The following PHTF2 variants were observed in gnomAD, a reference collection of about 807,000 sequenced individuals.
The protein encoded by PHTF2 is putative homeodomain transcription factor 2, also known as protein PHTF2.
PHTF2 carries 60 observed loss-of-function variants against 101.2 expected under a neutral mutation model. The observed-to-expected ratio is 0.59, with a 90% confidence interval of 0.48 to 0.73. PHTF2 has a LOEUF of 0.73. Among genes scored for constraint, PHTF2 ranks in the 30% least tolerant of loss-of-function variants. The pLI, the probability that PHTF2 is intolerant of heterozygous loss-of-function variation, is 0.00. For missense variants in PHTF2, 747 were observed against 908.7 expected (o/e 0.82, Z 2.29); for synonymous variants, 311 against 307.3 (o/e 1.01, Z -0.13).
intron 3 of PHTF2, among the ~76,000 whole-genome samples, chr7:77,868,255 G>A (rs1798227058): frequency 6.7e-6 from 1 of 149,826 alleles, no homozygotes; most frequent in Non-Finnish European, 1.5e-5. Flanking sequence ...CAGTCTTCCT[G>A]CCTTAGCCTC....
intron 13 of PHTF2, among the ~76,000 whole-genome samples, chr7:77,939,577 G>A (rs1321072388): frequency 7.3e-6 from 1 of 136,732 alleles, no homozygotes; most frequent in Non-Finnish European, 1.5e-5. Flanking sequence ...GCAATAGAGT[G>A]AGACCCTGTC....
intron 3 of PHTF2, among the ~76,000 whole-genome samples, chr7:77,861,206 G>A (rs1797616160): frequency 6.6e-6 from 1 of 150,650 alleles, no homozygotes; most frequent in Non-Finnish European, 1.5e-5. Flanking sequence ...TTTCCTTAGG[G>A]TGTGTCATTC....
intron 1 of PHTF2, among the ~76,000 whole-genome samples, chr7:77,826,582 A>T (rs4729772): frequency 2.0e-5 from 3 of 151,832 alleles, no homozygotes; most frequent in African/African-American, 7.3e-5. Context: ...GAAAAGGGAG[A>T]AGAGAAAGAA....
intron 16 of PHTF2, among the ~76,000 whole-genome samples, chr7:77,947,682 C>T (rs1218597541): frequency 6.6e-6 from 1 of 151,982 alleles, no homozygotes; most frequent in Non-Finnish European, 1.5e-5. Context: ...TGTAATTAAA[C>T]AGAATGCTTT....
At chr7:77,858,751 T>G (rs968169619) in intron 3 of PHTF2, among the ~76,000 whole-genome samples, 1 of 152,018 alleles carries the variant, frequency 6.6e-6, no homozygotes, top group Non-Finnish European at 1.5e-5. Flanking sequence ...ACCATACATT[T>G]AAATAGCATT....
intron 1 of PHTF2, among the ~76,000 whole-genome samples, chr7:77,830,546 A>G (rs1238900105): frequency 3.3e-5 from 5 of 152,188 alleles, no homozygotes; most frequent in African/African-American, 1.2e-4. Context: ...TGCGAACCCT[A>G]TTCTCAGCTG....
chr7:77,933,895 GTC>G (rs1804848060), intron 12 of PHTF2, among the ~76,000 whole-genome samples: 1 of 152,128 alleles, frequency 6.6e-6, no homozygotes, highest in African/African-American at 2.4e-5. Flanking sequence ...TCCTAAGTCT[GTC>G]ACACCAGTCG....
intron 3 of PHTF2, among the ~76,000 whole-genome samples, chr7:77,880,544 C>T (rs1278850290): frequency 6.6e-5 from 10 of 152,200 alleles, no homozygotes; most frequent in African/African-American, 2.2e-4. Flanking sequence ...TTTCTGTACC[C>T]TGTGCTTGGT....
chr7:77,823,572 A>G (rs1562844929), intron 1 of PHTF2, among the ~76,000 whole-genome samples: 1 of 152,244 alleles, frequency 6.6e-6, no homozygotes, highest in Non-Finnish European at 1.5e-5. Context: ...CATGGCTTAT[A>G]TGTTCTCACA....
At chr7:77,899,882 C>G (rs1439968000) in intron 5 of PHTF2, among the ~76,000 whole-genome samples, 1 of 151,992 alleles carries the variant, frequency 6.6e-6, no homozygotes, top group East Asian at 1.9e-4. Flanking sequence ...TCTTGCAGTT[C>G]TTTTTGTTTG....
At chr7:77,910,005 T>C (rs745475301) in intron 8 of PHTF2, 67 of 343,766 alleles carry the variant, frequency 1.9e-4, no homozygotes, top group Non-Finnish European at 2.9e-4. Flanking sequence ...TGCAATCCTT[T>C]CAATCTTCTG....
At chr7:77,862,302 T>G (rs1562886624) in intron 3 of PHTF2, among the ~76,000 whole-genome samples, 1 of 152,184 alleles carries the variant, frequency 6.6e-6, no homozygotes, top group Non-Finnish European at 1.5e-5. Flanking sequence ...TTAACATTTA[T>G]TTTATATTTG....
intron 10 of PHTF2, 105 bp downstream of exon 9, chr7:77,920,570 T>C (rs922465004): frequency 6.4e-6 from 5 of 777,790 alleles, no homozygotes; most frequent in Admixed American, 5.4e-5. Context: ...TTCTCCAGAA[T>C]TAATTCTGTG....
chr7:77,855,733 C>T (rs1269284310), intron 3 of PHTF2, among the ~76,000 whole-genome samples: 2 of 152,142 alleles, frequency 1.3e-5, no homozygotes, highest in Admixed American at 6.5e-5. Flanking sequence ...AATTCTGCCC[C>T]ATGTTGCTTT....
At chr7:77,935,492 T>TG (rs1805041019) in intron 12 of PHTF2, among the ~76,000 whole-genome samples, 1 of 152,232 alleles carries the variant, frequency 6.6e-6, no homozygotes, top group Non-Finnish European at 1.5e-5. Flanking sequence ...CCCAAAGTGC[T>TG]GGGATTACAG....
intron 1 of PHTF2, among the ~76,000 whole-genome samples, chr7:77,836,698 C>G (rs56128286): frequency 0.23 from 34,187 of 151,882 alleles, 4,157 homozygotes; most frequent in South Asian, 0.29. Flanking sequence ...AACCATCATT[C>G]TCAGCAAACT....
At chr7:77,805,869 G>A (rs545532799) in intron 1 of PHTF2, among the ~76,000 whole-genome samples, 2 of 152,306 alleles carry the variant, frequency 1.3e-5, no homozygotes, top group South Asian at 4.1e-4. Flanking sequence ...ATATTGGATG[G>A]AATAATTTAT....
At chr7:77,914,836 C>A (rs1434454342) in intron 9 of PHTF2, among the ~76,000 whole-genome samples, 1 of 152,106 alleles carries the variant, frequency 6.6e-6, no homozygotes, top group African/African-American at 2.4e-5. Flanking sequence ...TATATCGGAT[C>A]CACATTAAAC....
chr7:77,809,713 T>C (rs993221830), intron 1 of PHTF2, among the ~76,000 whole-genome samples: 1 of 152,348 alleles, frequency 6.6e-6, no homozygotes, highest in African/African-American at 2.4e-5. Flanking sequence ...ACTATGATCA[T>C]ATATTGAATG....
Sources: gnomAD v4.1 joint callset for allele counts (sites outside exome capture counted in the v4.1 genomes callset) on GRCh38, gnomAD v4.1.1 for gene constraint, MANE v1.5 for transcripts, NCBI Gene and HGNC (gene_info 2026-07-23, HGNC 2026-07-21) for gene names.